Variants in SUSD5 observed in about 807,000 individuals in gnomAD.
SUSD5 encodes the protein sushi domain-containing protein 5.
A neutral mutation model predicts 29.5 loss-of-function variants in SUSD5; 33 were observed. The observed-to-expected ratio is 1.12, with a 90% CI of 0.85 to 1.49. The LOEUF (loss-of-function observed/expected upper bound fraction) is 1.49. Among genes scored for constraint, SUSD5 ranks in the 40% most tolerant of loss-of-function variants. The pLI is 0.00. For synonymous variants in SUSD5, 308 were observed against 325.3 expected (o/e 0.95, Z 0.57); for missense variants, 776 against 800.6 (o/e 0.97, Z 0.37).
intron 4 of SUSD5, among the ~76,000 whole-genome samples, chr3:33,156,045 C>CTTTTTTTTTTTTTTTTTTTTTTT (rs924820623): frequency 6.9e-6 from 1 of 145,350 alleles, no homozygotes; most frequent in African/African-American, 2.5e-5. Flanking sequence ...AAAAATGCAT[C>CTTTTTTTTTTTTTTTTTTTTTTT]TTTTTTTTTT....
chr3:33,199,243 C>A (rs1391710868), intron 3 of SUSD5, among the ~76,000 whole-genome samples: 3 of 150,578 alleles, frequency 2.0e-5, no homozygotes, highest in Non-Finnish European at 4.4e-5. Context: ...CACACACACA[C>A]ACACGTTTAC....
rs2031117329 is a variant in SUSD5 at position 33,158,979 on chromosome 3, A to G, written c.599-4946T>C. Among the ~76,000 whole-genome samples, 2 of 152,270 alleles carry G rather than the reference A, an allele frequency of 1.3e-5. 1 individual carries two copies. The highest frequency in any genetic ancestry group is 4.1e-4 in the South Asian group (2 of 4,822). The stretch of plus-strand genomic sequence containing the variant: ...CCCAGATTCTATTTTATTCCATGGT[A>G]TTTTTGTCATTTCCCATTCTTGCTT... On this transcript the variant is annotated intron_variant, in intron 4 of 4. Coordinates refer to ENST00000309558, the MANE Select transcript of SUSD5 (RefSeq NM_015551.2).
At chr3:33,212,800 T>A (rs770359405) in intron 2 of SUSD5, among the ~76,000 whole-genome samples, 2 of 152,228 alleles carry the variant, frequency 1.3e-5, no homozygotes, top group African/African-American at 4.8e-5. Flanking sequence ...AGATGCGGCA[T>A]GGATTTTTCC....
intron 4 of SUSD5, chr3:33,168,599 G>A: frequency 1.9e-5 from 19 of 985,312 alleles, no homozygotes; most frequent in Non-Finnish European, 2.3e-5. Context: ...GGCCCTGGAG[G>A]CAGCACATAG....
Position 33,154,120 on chromosome 3 carries a change from G to C in SUSD5, c.599-87C>G, listed in dbSNP as rs575101294. On this transcript the variant is annotated intron_variant, in intron 4 of 4. Transcript: ENST00000309558. ...AAGAAAAGGAAATTAAAAGCATAAA[G>C]GCTGGGACAGAATAAATAATACTGT... 3.6e-5 allele frequency: 40 copies of C among 1,099,994 alleles called. No individual in the cohort carries two copies. In the African/African-American group the frequency reaches 5.1e-4, roughly 14 times the overall value. 68.1% of individuals were successfully genotyped at this position (1,099,994 alleles called of 1,614,324 possible).
intron 4 of SUSD5, among the ~76,000 whole-genome samples, chr3:33,159,935 C>G (rs2031144851): frequency 6.6e-6 from 1 of 152,092 alleles, no homozygotes; most frequent in Admixed American, 6.6e-5. Flanking sequence ...CCTAACCCAC[C>G]CTCACCCTTC....
In SUSD5 at chr3:33,212,104, C is replaced by T. The variant is rs6775679; in HGVS notation, c.290+1824G>A. 5.5e-3 allele frequency among the ~76,000 whole-genome samples: 836 copies of T among 152,166 alleles called. 5 individuals carry two copies. The highest frequency in any genetic ancestry group is 0.019 in the African/African-American group (777 of 41,518). ...TAGCTAGGAGGATATTGAATGTTCC[C>T]AGCAAAAAATAAATGATAAATATTT... On this transcript the variant is annotated intron_variant, in intron 2 of 4. Transcript: ENST00000309558.
intron 2 of SUSD5, among the ~76,000 whole-genome samples, chr3:33,212,282 G>C (rs1328202291): frequency 1.3e-5 from 2 of 152,136 alleles, no homozygotes; most frequent in Admixed American, 1.3e-4. Flanking sequence ...TGTAAACCCA[G>C]CACTTTGGGA....
Position 33,153,851 on chromosome 3 carries a change from C to G in SUSD5, c.781G>C (p.Ala261Pro), listed in dbSNP as rs748672143. ...GTTGGCACAAAGACTTTATCCCGGG[C>G]TATGTTTTCTCTCCCCACAGAAATG... Reference protein sequence around the residue: ...VSISVGRENIARDKVFVPTTG... With the variant: ...VSISVGRENIPRDKVFVPTTG... Residue 261 changes from alanine (A) to proline (P), a missense_variant, in exon 5 of 5, where the codon GCC becomes CCC. Coordinates refer to ENST00000309558, the MANE Select transcript of SUSD5 (RefSeq NM_015551.2). 2 of 1,613,952 alleles carry G rather than the reference C, an allele frequency of 1.2e-6. No homozygotes were observed. The highest frequency in any genetic ancestry group is 1.7e-6 in the Non-Finnish European group (2 of 1,179,852).
chr3:33,155,234 A>ACCAT (rs1161817942), intron 4 of SUSD5, among the ~76,000 whole-genome samples: 2 of 152,210 alleles, frequency 1.3e-5, no homozygotes, highest in South Asian at 4.1e-4. Context: ...AATCTATACT[A>ACCAT]AGTAGACAGA....
intron 3 of SUSD5, among the ~76,000 whole-genome samples, chr3:33,182,685 C>T (rs767588592): frequency 1.3e-5 from 2 of 152,112 alleles, no homozygotes; most frequent in African/African-American, 4.8e-5. Flanking sequence ...TCTCTTTATC[C>T]CTGATAACTT....
chr3:33,213,093 A>G (rs1293576165), intron 2 of SUSD5, among the ~76,000 whole-genome samples: 2 of 152,226 alleles, frequency 1.3e-5, no homozygotes, highest in African/African-American at 4.8e-5. Flanking sequence ...TACAATAAGC[A>G]TGTATTCTTT....
intron 4 of SUSD5, among the ~76,000 whole-genome samples, chr3:33,169,067 C>T (rs1047234336): frequency 3.1e-5 from 3 of 96,562 alleles, no homozygotes; most frequent in Admixed American, 1.3e-4. Flanking sequence ...GACATTTCTA[C>T]GGAATTCCAG....
intron 3 of SUSD5, among the ~76,000 whole-genome samples, chr3:33,189,109 T>G (rs932902739): frequency 5.9e-5 from 9 of 152,160 alleles, no homozygotes; most frequent in African/African-American, 1.9e-4. Flanking sequence ...AACCAATAAC[T>G]CTAAATCAAT....
At chr3:33,217,745 A>C (rs1186070540) in intron 1 of SUSD5, among the ~76,000 whole-genome samples, 3 of 152,070 alleles carry the variant, frequency 2.0e-5, no homozygotes, top group Non-Finnish European at 4.4e-5. Context: ...TGGCTAAACA[A>C]GAATCACATT....
chr3:33,187,208 C>G (rs907711259), intron 3 of SUSD5, among the ~76,000 whole-genome samples: 2 of 152,142 alleles, frequency 1.3e-5, no homozygotes, highest in Admixed American at 1.3e-4. Flanking sequence ...ATAAATCTAT[C>G]TAAGGAACAC....
chr3:33,192,716 C>T (rs1325274727), intron 3 of SUSD5, among the ~76,000 whole-genome samples: 4 of 151,804 alleles, frequency 2.6e-5, no homozygotes, highest in South Asian at 2.1e-4. Context: ...GGCTGAGCCA[C>T]GAGAATCTCT....
chr3:33,177,305 T>C (rs887772094), intron 3 of SUSD5, among the ~76,000 whole-genome samples: 1 of 152,178 alleles, frequency 6.6e-6, no homozygotes, highest in African/African-American at 2.4e-5. Context: ...AATCTATAGA[T>C]CAAGTTGGGA....
At chr3:33,180,564 T>C (rs2031647152) in intron 3 of SUSD5, among the ~76,000 whole-genome samples, 1 of 152,096 alleles carries the variant, frequency 6.6e-6, no homozygotes, top group African/African-American at 2.4e-5. Context: ...CAGTGGCTCA[T>C]GCCTGTAATC....
Sources: allele counts gnomAD v4.1 joint callset (sites outside exome capture counted in the v4.1 genomes callset), GRCh38; gene constraint gnomAD v4.1.1; transcripts MANE v1.5; gene names NCBI Gene and HGNC (gene_info 2026-07-23, HGNC 2026-07-21).